The following TPRA1 variants were observed in gnomAD, a reference collection of about 807,000 sequenced individuals.
TPRA1 encodes the protein transmembrane protein adipocyte-associated 1.
TPRA1 carries 28 observed loss-of-function variants against 40.1 expected under a neutral mutation model. The ratio of observed to expected loss-of-function variants is 0.70; its 90% CI spans 0.52 to 0.96. The LOEUF (loss-of-function observed/expected upper bound fraction) is 0.96. Ranked by LOEUF, TPRA1 falls within the 40% of genes least tolerant of loss-of-function variation. The probability of loss-of-function intolerance (pLI) is 0.00; values close to 1 mark genes in which losing one functional copy is unlikely to be tolerated. For synonymous variants in TPRA1, 219 were observed against 209.7 expected, an observed-to-expected ratio of 1.04 and a Z score of -0.38; for missense variants, 441 against 482.6, an observed-to-expected ratio of 0.91 and a Z score of 0.81.
In TPRA1 at chr3:127,573,257, C is replaced by T. The variant is rs76039363; in HGVS notation, c.*264G>A. On this transcript the variant is annotated 3_prime_UTR_variant, in exon 11 of 11. Transcript: ENST00000355552. ...GGTGCCCTCAGCCAACCTTGCCAAG[C>T]ATGGCCCTGGAAGGAAAGCCTGGGC... 2.4e-3 allele frequency: 981 copies of T among 413,786 alleles called. 15 individuals carry two copies. The highest frequency in any genetic ancestry group is 0.023 in the East Asian group (610 of 26,674). 25.6% of individuals were successfully genotyped at this position (413,786 alleles called of 1,614,324 possible).
In TPRA1 at chr3:127,580,257, C is replaced by A. The variant is rs1351899607; in HGVS notation, c.-17-94G>T. ...GACTCCCAGGGGAAAATCAGAGGGG[C>A]TGCACAGAGCACCCCTGTAAACCAC... On this transcript the variant is annotated intron_variant, in intron 1 of 10. Coordinates refer to ENST00000355552, the MANE Select transcript of TPRA1 (RefSeq NM_001136053.4). The A allele has an allele frequency of 7.1e-6, 10 of 1,416,404 alleles. No homozygotes were observed. In the Admixed American group the frequency reaches 1.5e-4, roughly 21 times the overall value. 87.7% of individuals were successfully genotyped at this position (1,416,404 alleles called of 1,614,324 possible). A position where few individuals can be genotyped will look rare whatever the true frequency, so the allele number is the denominator to read the frequency against.
Position 127,575,278 on chromosome 3 carries a change from CG to C in TPRA1, c.774-14del, listed in dbSNP as rs1219715661. 2 of 1,611,662 alleles carry C rather than the reference CG, an allele frequency of 1.2e-6. No individual in the cohort carries two copies. Among genetic ancestry groups the C allele is most frequent in the African/African-American group, 1.3e-5 (1 of 74,862 alleles). On this transcript the variant is annotated splice_polypyrimidine_tract_variant and intron_variant, in intron 9 of 10. Transcript: ENST00000355552. ...GGCATCTACACAGCTGCGGAGAAGG[CG>C]GGTCAGCGCGGGGCCTCCTAGCCCC...
intron 3 of TPRA1, 139 bp from the exon 4 acceptor site, chr3:127,577,215 C>A: frequency 1.2e-6 from 1 of 802,912 alleles, no homozygotes. Flanking sequence ...CAGGGTGGGA[C>A]ACAGGGAGGT....
rs559234682 is a variant in TPRA1, at chr3:127,579,752, G to C, written c.246C>G (p.Thr82=). ...IRITSSPIFI[T]FYILVFVVAL... is the part of the protein sequence containing the mutation. ...GCAGTGAACTCACCAGGATGTAGAA[G>C]GTGATAAAAATGGGGCTGGAGGTGA... Residue 82 remains threonine, a synonymous_variant, in exon 3 of 11, where the codon ACC becomes ACG. Coordinates refer to ENST00000355552, the MANE Select transcript of TPRA1 (RefSeq NM_001136053.4). 6.2e-7 allele frequency: 1 copy of C among 1,614,044 alleles called. No homozygotes were observed. Among genetic ancestry groups the C allele is most frequent in the African/African-American group, 1.3e-5 (1 of 74,930 alleles).
intron 9 of TPRA1, 55 bp downstream of exon 9, chr3:127,575,348 C>G: frequency 6.4e-7 from 1 of 1,573,732 alleles, no homozygotes; most frequent in Non-Finnish European, 8.6e-7. Flanking sequence ...GGTGGACACC[C>G]TGCCGCCCAC....
chr3:127,578,925 A>G (rs1027457893), intron 3 of TPRA1, among the ~76,000 whole-genome samples: 1 of 152,094 alleles, frequency 6.6e-6, no homozygotes, highest in East Asian at 1.9e-4. Flanking sequence ...GAAGGAAGGC[A>G]GCTGGACAGC....
At chr3:127,574,352 C>G (rs1415019771) in intron 10 of TPRA1, among the ~76,000 whole-genome samples, 2 of 152,244 alleles carry the variant, frequency 1.3e-5, no homozygotes, top group Non-Finnish European at 2.9e-5. Context: ...ATCCCCTCCC[C>G]ACAAGACCTG....
rs961767714 is a variant in TPRA1, at chr3:127,572,706, T to C, written c.*815A>G. ...ACAAAAGGCCCTGCAGGATGGGTCT[T>C]CTCCGCATTTTACAGATGGCAATAG... On this transcript the variant is annotated 3_prime_UTR_variant, in exon 11 of 11. Coordinates refer to ENST00000355552, the MANE Select transcript of TPRA1 (RefSeq NM_001136053.4). Among the ~76,000 whole-genome samples, 1 of 152,236 alleles carries C rather than the reference T, an allele frequency of 6.6e-6. No homozygotes were observed. Among genetic ancestry groups the C allele is most frequent in the East Asian group, 1.9e-4 (1 of 5,202 alleles).
At position 127,575,735 on chromosome 3, in the gene TPRA1, G is replaced by C. The variant is rs766797022; in HGVS notation, c.670+14C>G. ...CATCCCCGCCTGTCCCAGAGCCGCC[G>C]GCCAGCTGCTCACAAGGCAGGGAGA... On this transcript the variant is annotated intron_variant, in intron 8 of 10. Coordinates refer to ENST00000355552, the MANE Select transcript of TPRA1 (RefSeq NM_001136053.4). The C allele has an allele frequency of 3.1e-6, 5 of 1,613,062 alleles. No homozygotes were observed. In the South Asian group the frequency reaches 3.3e-5, roughly 11 times the overall value.
At chr3:127,580,432 C>A in intron 1 of TPRA1, 1 of 395,968 alleles carries the variant, frequency 2.5e-6, no homozygotes, top group Non-Finnish European at 4.7e-6. Context: ...TCTCCATGTG[C>A]AAGGCACAGC....
chr3:127,589,172 A>G (rs1438567811), intron 1 of TPRA1, among the ~76,000 whole-genome samples: 1 of 136,398 alleles, frequency 7.3e-6, no homozygotes, highest in African/African-American at 2.7e-5. Context: ...CCTCCCTCCC[A>G]CCCAGTTGAG....
In TPRA1 at chr3:127,578,687, C is replaced by T. The variant is rs1432242821; in HGVS notation, c.258+1053G>A. Among the ~76,000 whole-genome samples the T allele has an allele frequency of 3.3e-5, 5 of 152,192 alleles. No homozygotes were observed. The East Asian group carries it at 9.6e-4, about 29-fold the overall frequency. ...CTCAGTTCCCAGTCCTGTCTACCAC[C>T]ATCTTGTAGGTGTGAGGGACATCAG... On this transcript the variant is annotated intron_variant, in intron 3 of 10. Transcript: ENST00000355552.
Position 127,575,816 on chromosome 3 carries a change from A to G in TPRA1, c.610-7T>C. ...TGACCACCAGAGAGTAGACCTACAG[A>G]GACAGGCAGGGCTGAGAAGGTGCTG... On this transcript the variant is annotated splice_polypyrimidine_tract_variant and splice_region_variant and intron_variant, in intron 7 of 10. Coordinates refer to ENST00000355552, the MANE Select transcript of TPRA1 (RefSeq NM_001136053.4). 6.2e-7 allele frequency: 1 copy of G among 1,613,900 alleles called. No individual in the cohort carries two copies.
rs2073403913 is a variant in TPRA1 at position 127,572,480 on chromosome 3, C to G, written c.*1041G>C. Among the ~76,000 whole-genome samples, 1 of 152,236 alleles carries G rather than the reference C, an allele frequency of 6.6e-6. No homozygotes were observed. The highest frequency in any genetic ancestry group is 1.5e-5 in the Non-Finnish European group (1 of 68,036). On this transcript the variant is annotated 3_prime_UTR_variant, in exon 11 of 11. Transcript: ENST00000355552. ...GTGGGCCCCTCTCCCCTACTCATGC[C>G]TTATGATCCCAGTGCTTTGCTCTGA...
chr3:127,583,810 A>C (rs1291905170), intron 1 of TPRA1, among the ~76,000 whole-genome samples: 2 of 151,968 alleles, frequency 1.3e-5, no homozygotes, highest in African/African-American at 4.8e-5. Context: ...AGCTGGGGCT[A>C]CAGGCACGTG....
chr3:127,593,361 G>C (rs983042953), upstream of TPRA1, among the ~76,000 whole-genome samples: 1 of 152,222 alleles, frequency 6.6e-6, no homozygotes, highest in Non-Finnish European at 1.5e-5. Flanking sequence ...GCAATCCCCA[G>C]ATAACAGACG....
At chr3:127,574,922 TTGTG>T (rs542342228) in intron 10 of TPRA1, 2 of 531,854 alleles carry the variant, frequency 3.8e-6, no homozygotes, top group African/African-American at 3.8e-5. Context: ...ATGTGCGTGT[TTGTG>T]TGTGCATGTG....
Position 127,574,551 on chromosome 3 carries a change from C to T in TPRA1, c.854+634G>A, listed in dbSNP as rs369360230. ...CCCCAAACCTGCTCCCCACTTAAGTCTTCCCCCAACAGGGTACAAGCTTTG... is the reference window on the plus strand; with the variant it reads ...CCCCAAACCTGCTCCCCACTTAAGTTTTCCCCCAACAGGGTACAAGCTTTG... On this transcript the variant is annotated intron_variant, in intron 10 of 10. Transcript: ENST00000355552. Among the ~76,000 whole-genome samples, 8 of 152,358 alleles carry T rather than the reference C, an allele frequency of 5.3e-5. No homozygotes were observed. In the East Asian group the frequency reaches 1.4e-3, roughly 26 times the overall value.
chr3:127,572,245 G>A lies in TPRA1; in HGVS notation c.*1276C>T, dbSNP rs779687911. Among the ~76,000 whole-genome samples, 10 of 152,308 alleles carry A rather than the reference G, an allele frequency of 6.6e-5. No homozygotes were observed. In the South Asian group the frequency reaches 1.0e-3, roughly 16 times the overall value. ...CATTCCCCCCTAAAAAAAAAAGGCT[G>A]ATCGCGGAGGCGGGCAACAGCCTGA... On this transcript the variant is annotated 3_prime_UTR_variant, in exon 11 of 11. Transcript: ENST00000355552.
Sources: gnomAD v4.1 joint callset for allele counts (sites outside exome capture counted in the v4.1 genomes callset) on GRCh38, gnomAD v4.1.1 for gene constraint, MANE v1.5 for transcripts, NCBI Gene and HGNC (gene_info 2026-07-23, HGNC 2026-07-21) for gene names.